Variants in ROBO2 observed in about 807,000 individuals in gnomAD.
The protein encoded by ROBO2 is roundabout guidance receptor 2.
ROBO2 carries 53 observed loss-of-function variants against 160.8 expected under a neutral mutation model. That is an observed-to-expected ratio of 0.33 (90% CI 0.26 to 0.41). The LOEUF (loss-of-function observed/expected upper bound fraction) is 0.41. Ranked by LOEUF, ROBO2 falls within the 10% of genes least tolerant of loss-of-function variation. ROBO2 has a pLI of 1.00. For synonymous variants in ROBO2, 664 were observed against 611.7 expected, an observed-to-expected ratio of 1.09 and a Z score of -1.26; for missense variants, 1,577 against 1,722.4, an observed-to-expected ratio of 0.92 and a Z score of 1.49.
intron 23 of ROBO2, 84 bp from the exon 25 acceptor site, chr3:77,634,786 T>A (rs1197553242): frequency 4.0e-6 from 5 of 1,255,914 alleles, no homozygotes; most frequent in Non-Finnish European, 5.8e-6. Flanking sequence ...GATTTACAGG[T>A]TAGTCATAGT....
chr3:76,595,160 A>G (rs970402827), intron 2 of ROBO2, among the ~76,000 whole-genome samples: 4 of 152,052 alleles, frequency 2.6e-5, no homozygotes, highest in Non-Finnish European at 5.9e-5. Context: ...TCTAGAACTC[A>G]GGAATTTTTG....
chr3:76,252,743 A>C (rs142098091), intron 2 of ROBO2, among the ~76,000 whole-genome samples: 2,146 of 128,324 alleles, frequency 0.017, 46 homozygotes, highest in African/African-American at 0.056. Context: ...TATATATAAA[A>C]CGCATGTATA....
At chr3:76,533,647 GTGCAAGTGGGC>G (rs1384343080) in intron 2 of ROBO2, among the ~76,000 whole-genome samples, 25 of 152,192 alleles carry the variant, frequency 1.6e-4, no homozygotes, top group Non-Finnish European at 3.5e-4. Flanking sequence ...ATTCACTTGG[GTGCAAGTGGGC>G]TGAGTCCGAA....
intron 2 of ROBO2, among the ~76,000 whole-genome samples, chr3:77,329,744 T>C (rs888463440): frequency 2.0e-5 from 3 of 152,198 alleles, no homozygotes; most frequent in East Asian, 3.9e-4. Context: ...AGTCTAAGGA[T>C]TCAGGCAGAC....
At chr3:77,458,488 A>T (rs956906861) in intron 2 of ROBO2, among the ~76,000 whole-genome samples, 1 of 152,200 alleles carries the variant, frequency 6.6e-6, no homozygotes, top group East Asian at 1.9e-4. Flanking sequence ...GGGTTTCCGC[A>T]TACCTATTAG....
At chr3:76,425,399 T>C (rs2108965099) in intron 2 of ROBO2, among the ~76,000 whole-genome samples, 1 of 152,206 alleles carries the variant, frequency 6.6e-6, no homozygotes, top group African/African-American at 2.4e-5. Flanking sequence ...CCCATGGACC[T>C]ATACTTTCCT....
At chr3:76,015,428 T>C (rs1373790825) in intron 2 of ROBO2, among the ~76,000 whole-genome samples, 1 of 148,762 alleles carries the variant, frequency 6.7e-6, no homozygotes, top group East Asian at 2.0e-4. Context: ...GCTGAGTTTA[T>C]TCCCTAGAGA....
intron 2 of ROBO2, among the ~76,000 whole-genome samples, chr3:77,098,671 C>T (rs1323708702): frequency 1.3e-5 from 2 of 151,970 alleles, no homozygotes; most frequent in Admixed American, 1.3e-4. Context: ...CACGGTGAAA[C>T]CCCGTCTCTA....
At chr3:76,080,230 A>G (rs1478814802) in intron 2 of ROBO2, among the ~76,000 whole-genome samples, 1 of 152,196 alleles carries the variant, frequency 6.6e-6, no homozygotes, top group African/African-American at 2.4e-5. Context: ...ACCCAGGCTC[A>G]GTGCGTACTG....
intron 4 of ROBO2, among the ~76,000 whole-genome samples, chr3:77,492,150 T>C (rs1257513072): frequency 6.6e-6 from 1 of 152,202 alleles, no homozygotes; most frequent in Non-Finnish European, 1.5e-5. Flanking sequence ...AGAAAAATTG[T>C]GTCAGCTTCC....
chr3:76,377,185 A>C lies in ROBO2; in HGVS notation c.109+439583A>C, dbSNP rs954050735. Reference sequence around the variant, plus strand: ...TATCTATGGAATTACATGCAAACATATGGTGAAAGAAATAGTCATAAAATA... The same window carrying C: ...TATCTATGGAATTACATGCAAACATCTGGTGAAAGAAATAGTCATAAAATA... On this transcript the variant is annotated intron_variant, in intron 2 of 26. Coordinates refer to the ROBO2 transcript ENST00000487694. Among the ~76,000 whole-genome samples the C allele has an allele frequency of 4.6e-5, 7 of 152,174 alleles. No individual in the cohort carries two copies. The East Asian group carries it at 1.3e-3, about 29-fold the overall frequency.
At position 76,882,591 on chromosome 3, in the gene ROBO2, T is replaced by C. The variant is rs111895546; in HGVS notation, c.110-215423T>C. On this transcript the variant is annotated intron_variant, in intron 2 of 26. Coordinates refer to the ROBO2 transcript ENST00000487694. ...TGCCTGTTACCTGTGTTTCTTAGCA[T>C]ACTCAACAAAAAATACTCCCAAGTA... is the stretch of plus-strand genomic sequence containing the variant. 5.4e-3 allele frequency among the ~76,000 whole-genome samples: 829 copies of C among 152,206 alleles called. 6 individuals carry two copies. The highest frequency in any genetic ancestry group is 0.019 in the African/African-American group (801 of 41,530).
chr3:76,930,303 G>A (rs143653851), intron 2 of ROBO2, among the ~76,000 whole-genome samples: 28 of 152,178 alleles, frequency 1.8e-4, no homozygotes, highest in Admixed American at 3.9e-4. Context: ...CACCATGCCC[G>A]GCCTACTTTG....
chr3:76,820,030 G>T (rs558684847), intron 2 of ROBO2, among the ~76,000 whole-genome samples: 1 of 152,054 alleles, frequency 6.6e-6, no homozygotes, highest in East Asian at 1.9e-4. Flanking sequence ...TGCTCCACCA[G>T]GTAAATCATG....
At chr3:77,484,508 A>ACACAC (rs2085097039) in intron 4 of ROBO2, among the ~76,000 whole-genome samples, 1 of 146,726 alleles carries the variant, frequency 6.8e-6, no homozygotes, top group African/African-American at 2.5e-5. Context: ...CCCCAACACA[A>ACACAC]ACACACACAC....
chr3:77,403,573 AGTGTGTGTGT>A (rs57545425), intron 2 of ROBO2, among the ~76,000 whole-genome samples: 19,200 of 129,414 alleles, frequency 0.15, 1,458 homozygotes, highest in East Asian at 0.21. Context: ...TAGTTATTTC[AGTGTGTGTGT>A]GTGTGTGTGT....
chr3:76,984,326 A>G (rs2060256164), intron 2 of ROBO2, among the ~76,000 whole-genome samples: 1 of 152,160 alleles, frequency 6.6e-6, no homozygotes, highest in African/African-American at 2.4e-5. Context: ...CAGCTTTTTC[A>G]GCTCTTTACT....
At chr3:76,027,988 A>C (rs2066798626) in intron 2 of ROBO2, among the ~76,000 whole-genome samples, 1 of 151,946 alleles carries the variant, frequency 6.6e-6, no homozygotes, top group Admixed American at 6.6e-5. Context: ...AATAGGATAG[A>C]TTAATATGGC....
At chr3:77,409,345 G>GA (rs1371944678) in intron 2 of ROBO2, among the ~76,000 whole-genome samples, 3 of 151,666 alleles carry the variant, frequency 2.0e-5, no homozygotes, top group East Asian at 1.9e-4. Flanking sequence ...TTGTATTGAG[G>GA]AAAAAAATGA....
Sources: gnomAD v4.1 joint callset for allele counts (sites outside exome capture counted in the v4.1 genomes callset) on GRCh38, gnomAD v4.1.1 for gene constraint, MANE v1.5 for transcripts, NCBI Gene and HGNC (gene_info 2026-07-23, HGNC 2026-07-21) for gene names.